The following SMARCAL1 variants were observed in gnomAD, a reference collection of about 807,000 sequenced individuals.
SMARCAL1 encodes the protein ATP-driven annealing helicase.
Under a neutral mutation model 94.5 loss-of-function variants are expected in SMARCAL1, and 58 were observed. The observed-to-expected ratio is 0.61, with a 90% CI of 0.50 to 0.76. SMARCAL1 has a LOEUF of 0.76. Among genes scored for constraint, SMARCAL1 ranks in the 30% least tolerant of loss-of-function variants. SMARCAL1 has a pLI of 0.00. For missense variants in SMARCAL1, 1,051 were observed against 1,177.9 expected (o/e 0.89, Z 1.58); for synonymous variants, 422 against 455.1 (o/e 0.93, Z 0.93).
intron 14 of SMARCAL1, among the ~76,000 whole-genome samples, chr2:216,470,282 C>T (rs1438113554): frequency 6.6e-6 from 1 of 152,068 alleles, no homozygotes. Context: ...TCCTGAATAG[C>T]TGGGATTACT....
chr2:216,476,635 TAC>T (rs1695087027), intron 15 of SMARCAL1, among the ~76,000 whole-genome samples: 3 of 152,218 alleles, frequency 2.0e-5, no homozygotes, highest in Admixed American at 1.3e-4. Flanking sequence ...TTATAAGGCT[TAC>T]CACTATATTA....
At position 216,460,579 on chromosome 2, in the gene SMARCAL1, C is replaced by T. The variant is rs182577450; in HGVS notation, c.2071-4018C>T. Among the ~76,000 whole-genome samples, 442 of 142,372 alleles carry T rather than the reference C, an allele frequency of 3.1e-3. 7 individuals carry two copies. Among genetic ancestry groups the T allele is most frequent in the East Asian group, 0.028 (133 of 4,792 alleles). The allele number at this position is 142,372 out of a possible 152,430, so 93.4% of individuals were successfully genotyped here. A position where few individuals can be genotyped will look rare whatever the true frequency, so the allele number is the denominator to read the frequency against. On this transcript the variant is annotated intron_variant, in intron 12 of 17. Coordinates refer to ENST00000357276, the MANE Select transcript of SMARCAL1 (RefSeq NM_014140.4). ...GAAACCACCATTCTCAGCAAACTAT[C>T]GCAAGGACAAAAAACCAAACACTGC...
chr2:216,428,653 C>T lies in SMARCAL1; in HGVS notation c.1205C>T (p.Thr402Ile). The change falls in exon 7 of 18, where the codon ACC becomes ATC. Residue 402 changes from threonine to isoleucine, a missense_variant. Physicochemically the swap from Thr to Ile is moderately conservative, Grantham distance 89 (BLOSUM62 -1). This residue lies in a region of SMARCAL1 where 642 missense variants were observed against 754.7 expected (regional missense o/e 0.85). Coordinates refer to ENST00000357276, the MANE Select transcript of SMARCAL1 (RefSeq NM_014140.4). ...VQLDPLPTTL[T>I]LAFASQLKKT... Reference sequence around the variant, plus strand: ...CTGGACCCTCTGCCCACGACTCTCACCCTGGCGTTTGCTTCTCAGCTCAAG... The same window carrying T: ...CTGGACCCTCTGCCCACGACTCTCATCCTGGCGTTTGCTTCTCAGCTCAAG... 3.7e-6 allele frequency: 6 copies of T among 1,614,224 alleles called. No homozygotes were observed. The highest frequency in any genetic ancestry group is 5.1e-6 in the Non-Finnish European group (6 of 1,180,040).
At chr2:216,478,749 G>A (rs1695140540) in intron 17 of SMARCAL1, among the ~76,000 whole-genome samples, 1 of 152,170 alleles carries the variant, frequency 6.6e-6, no homozygotes, top group Admixed American at 6.5e-5. Flanking sequence ...ACTTGATAGA[G>A]GGGTAAACTG....
At chr2:216,424,261 T>C (rs561939002) in intron 6 of SMARCAL1, among the ~76,000 whole-genome samples, 1 of 152,274 alleles carries the variant, frequency 6.6e-6, no homozygotes, top group Non-Finnish European at 1.5e-5. Flanking sequence ...CCATTTTGGG[T>C]TTATCATTTT....
rs1693572603 is a variant in SMARCAL1 at position 216,415,382 on chromosome 2, A to G, written c.678A>G (p.Ser226=). Residue 226 remains serine (S), a synonymous_variant, in exon 3 of 18, where the codon TCA becomes TCG. Coordinates refer to ENST00000357276, the MANE Select transcript of SMARCAL1 (RefSeq NM_014140.4). ...PRTEGRLQQK[S]GSSVQKGVNS... ...CAGAAGGAAGACTCCAGCAGAAGTC[A>G]GGGTCCTCAGTCCAAAAAGGAGTGA... is the stretch of plus-strand genomic sequence containing the variant. 1 of 1,614,146 alleles carries G rather than the reference A, an allele frequency of 6.2e-7. No homozygotes were observed. The highest frequency in any genetic ancestry group is 1.7e-5 in the Admixed American group (1 of 60,012).
At chr2:216,428,908 G>A in intron 7 of SMARCAL1, 126 bp downstream of exon 7, 2 of 892,296 alleles carry the variant, frequency 2.2e-6, no homozygotes. Context: ...ATTTAGAAGA[G>A]TCTAGGCATT....
chr2:216,423,714 A>G (rs1440404915), intron 6 of SMARCAL1, 31 bp downstream of exon 6: 1 of 1,566,042 alleles, frequency 6.4e-7, no homozygotes, highest in East Asian at 2.2e-5. Flanking sequence ...GTTTTATATC[A>G]TGCTATTGTT....
chr2:216,436,471 G>A (rs1377847100), intron 9 of SMARCAL1, among the ~76,000 whole-genome samples: 1 of 152,222 alleles, frequency 6.6e-6, no homozygotes, highest in Admixed American at 6.5e-5. Flanking sequence ...AGAAAGGAAG[G>A]AGAAGATACC....
chr2:216,462,879 A>C (rs1419635542), intron 12 of SMARCAL1, among the ~76,000 whole-genome samples: 1 of 151,828 alleles, frequency 6.6e-6, no homozygotes, highest in African/African-American at 2.4e-5. Flanking sequence ...AGTCCCAGTT[A>C]CTTGGGAGGC....
At chr2:216,424,216 A>G (rs779506784) in intron 6 of SMARCAL1, among the ~76,000 whole-genome samples, 3 of 152,238 alleles carry the variant, frequency 2.0e-5, no homozygotes, top group Non-Finnish European at 4.4e-5. Flanking sequence ...GAAAAGGGAT[A>G]TGTGTACAGA....
intron 4 of SMARCAL1, 68 bp downstream of exon 4, chr2:216,416,375 T>C: frequency 7.5e-7 from 1 of 1,329,962 alleles, no homozygotes; most frequent in South Asian, 1.2e-5. Flanking sequence ...GTATCACATG[T>C]AGTCCAGCTT....
intron 10 of SMARCAL1, among the ~76,000 whole-genome samples, chr2:216,444,833 A>G (rs922812175): frequency 2.0e-5 from 3 of 152,070 alleles, no homozygotes; most frequent in Non-Finnish European, 4.4e-5. Flanking sequence ...TAATTTTAAA[A>G]CTATGTATAG....
chr2:216,423,770 TTCTCCTCCCTTTGCTGTGGTGGG>T, intron 6 of SMARCAL1, 87 bp downstream of exon 6: 7 of 1,205,062 alleles, frequency 5.8e-6, no homozygotes, highest in Non-Finnish European at 8.6e-6. Context: ...TTGAAGAATC[TTCTCCTCCCTTTGCTGTGGTGGG>T]ATGCTTGAGT....
chr2:216,429,647 T>TAAATTAACAATGGC (rs1411343337), intron 7 of SMARCAL1, among the ~76,000 whole-genome samples: 2 of 152,056 alleles, frequency 1.3e-5, no homozygotes, highest in African/African-American at 2.4e-5. Flanking sequence ...GGAAGGAACC[T>TAAATTAACAATGGC]AAATTAACAA....
chr2:216,443,772 C>G (rs10498053), intron 10 of SMARCAL1, among the ~76,000 whole-genome samples: 14,664 of 152,222 alleles, frequency 0.096, 876 homozygotes, highest in South Asian at 0.18. Context: ...TCTGCCAATA[C>G]TTAGGGCAGC....
At chr2:216,430,687 C>G (rs1052359364) in intron 7 of SMARCAL1, among the ~76,000 whole-genome samples, 3 of 152,168 alleles carry the variant, frequency 2.0e-5, no homozygotes, top group Admixed American at 6.5e-5. Flanking sequence ...TTCAGGGGGT[C>G]CATTCTGCTC....
At position 216,414,771 on chromosome 2, in the gene SMARCAL1, C is replaced by T. The variant is rs753690688; in HGVS notation, c.67C>T (p.Arg23Cys). ...IEENRQKALA[R>C]RAEKLLAEQH... is the part of the protein sequence containing the mutation. Reference sequence around the variant, plus strand: ...AGAGAATCGACAAAAGGCTCTGGCCCGCAGAGCTGAGAAGTTATTGGCAGA... The same window carrying T: ...AGAGAATCGACAAAAGGCTCTGGCCTGCAGAGCTGAGAAGTTATTGGCAGA... Residue 23 changes from arginine to cysteine, a missense_variant, in exon 3 of 18, where the codon CGC (arginine) becomes TGC (cysteine). Physicochemically the swap from Arg to Cys is radical, Grantham distance 180. Around this residue, in one of 3 missense-constraint regions of SMARCAL1, gnomAD observed 398 missense variants for 395.2 expected, o/e 1.01. Coordinates refer to ENST00000357276, the MANE Select transcript of SMARCAL1 (RefSeq NM_014140.4). The T allele has an allele frequency of 2.5e-6, 4 of 1,614,052 alleles. No individual in the cohort carries two copies. Among genetic ancestry groups the T allele is most frequent in the African/African-American group, 1.3e-5 (1 of 74,912 alleles).
At chr2:216,449,417 G>A (rs911915181) in intron 11 of SMARCAL1, among the ~76,000 whole-genome samples, 5 of 150,100 alleles carry the variant, frequency 3.3e-5, no homozygotes, top group Non-Finnish European at 7.4e-5. Flanking sequence ...CTTTTTGCCA[G>A]CTTCATGCAT....
Sources: gnomAD v4.1 joint callset for allele counts (sites outside exome capture counted in the v4.1 genomes callset) on GRCh38, gnomAD v4.1.1 for gene constraint, gnomAD v4.1.1 regional missense constraint, MANE v1.5 for transcripts, NCBI Gene and HGNC (gene_info 2026-07-23, HGNC 2026-07-21) for gene names.